PPP1R2: variants seen among roughly 807,000 people sequenced by gnomAD.
PPP1R2 encodes protein phosphatase inhibitor 2.
Under a neutral mutation model 29.9 loss-of-function variants are expected in PPP1R2, and 16 were observed. That is an observed-to-expected ratio of 0.53 (90% confidence interval 0.36 to 0.81). The LOEUF is 0.81. Among genes scored for constraint, PPP1R2 ranks in the 30% least tolerant of loss-of-function variants. PPP1R2 has a pLI of 0.00. For synonymous variants in PPP1R2, 76 were observed against 91.5 expected (o/e 0.83, Z 0.96); for missense variants, 197 against 252.7 (o/e 0.78, Z 1.49).
Position 195,543,247 on chromosome 3 carries a change from A to C in PPP1R2, c.-222T>G. ...GGGTGGCGGCTACTCGCGCACCCTT[A>C]GCCACTGGCACTTGACCCGCGGCTC... On this transcript the variant is annotated 5_prime_UTR_variant, in exon 1 of 6. Coordinates refer to ENST00000618156, the MANE Select transcript of PPP1R2 (RefSeq NM_006241.8). 1 of 511,256 alleles carries C rather than the reference A, an allele frequency of 2.0e-6. No individual in the cohort carries two copies. Among genetic ancestry groups the C allele is most frequent in the South Asian group, 3.0e-5 (1 of 33,416 alleles). 31.7% of individuals were successfully genotyped at this position (511,256 alleles called of 1,614,324 possible).
At chr3:195,531,012 G>A (rs900890173) in intron 1 of PPP1R2, among the ~76,000 whole-genome samples, 39 of 136,660 alleles carry the variant, frequency 2.9e-4, no homozygotes, top group East Asian at 4.5e-4. Context: ...TGGTAGAGAC[G>A]GGGTTTCACC....
chr3:195,519,029 T>C lies in PPP1R2; in HGVS notation c.560A>G (p.Glu187Gly). The stretch of plus-strand genomic sequence containing the variant: ...TCCAAACATCTAACCTTGATTTGAT[T>C]CTTCCGTATTCATGCTTTCTCCATC... ...TADGESMNTE[E>G]SNQGSTPSDQ... Residue 187 changes from glutamate to glycine, a missense_variant, in exon 5 of 6, where the codon GAA becomes GGA. Coordinates refer to ENST00000618156, the MANE Select transcript of PPP1R2 (RefSeq NM_006241.8). 6.2e-7 allele frequency: 1 copy of C among 1,606,502 alleles called. No homozygotes were observed. Among genetic ancestry groups the C allele is most frequent in the Non-Finnish European group, 8.5e-7 (1 of 1,173,536 alleles).
In PPP1R2 at chr3:195,516,527, T is replaced by TAA. The variant is rs1387791755; in HGVS notation, c.*367_*368dup. On this transcript the variant is annotated 3_prime_UTR_variant, in exon 6 of 6. Coordinates refer to ENST00000618156, the MANE Select transcript of PPP1R2 (RefSeq NM_006241.8). ...AAAAAAATCAAATCAATAAACTTTG[T>TAA]AAGAGCTACCACATTTCAAGTGATG... 5.4e-6 allele frequency: 1 copy of TAA among 185,962 alleles called. No homozygotes were observed. 11.5% of individuals were successfully genotyped at this position (185,962 alleles called of 1,614,324 possible). A position where few individuals can be genotyped will look rare whatever the true frequency, so the allele number is the denominator to read the frequency against.
intron 4 of PPP1R2, chr3:195,519,479 G>T: frequency 3.5e-6 from 1 of 282,078 alleles, no homozygotes; most frequent in Non-Finnish European, 6.5e-6. Flanking sequence ...TATCCAGAAA[G>T]AGTTAAATGG....
At chr3:195,517,039 A>C in intron 5 of PPP1R2, 97 bp from the exon 6 acceptor site, 2 of 958,872 alleles carry the variant, frequency 2.1e-6, no homozygotes, top group Non-Finnish European at 3.3e-6. Flanking sequence ...GCAAATATAA[A>C]AATTTTAAAA....
chr3:195,532,137 C>A (rs1386521461), intron 1 of PPP1R2, among the ~76,000 whole-genome samples: 1 of 151,884 alleles, frequency 6.6e-6, no homozygotes. Context: ...CTCAAGTGAT[C>A]CTCCTGCCTC....
At chr3:195,536,776 G>C (rs1442749155) in intron 1 of PPP1R2, among the ~76,000 whole-genome samples, 1 of 109,890 alleles carries the variant, frequency 9.1e-6, no homozygotes, top group African/African-American at 3.7e-5. Flanking sequence ...CGACAAGAGC[G>C]AAACTCCGTC....
chr3:195,522,758 A>T (rs191368385), intron 4 of PPP1R2, among the ~76,000 whole-genome samples: 25 of 152,324 alleles, frequency 1.6e-4, no homozygotes, highest in African/African-American at 6.0e-4. Context: ...GATGATAGGA[A>T]AGACTAGTAA....
intron 1 of PPP1R2, among the ~76,000 whole-genome samples, chr3:195,532,209 CTT>C (rs1204062172): frequency 3.0e-5 from 3 of 98,592 alleles, no homozygotes; most frequent in African/African-American, 1.1e-4. Context: ...TTTTCTTTTT[CTT>C]TTTCTTTTTT....
rs1441660852 is a variant in PPP1R2, at chr3:195,519,147, A to T, written c.442T>A (p.Tyr148Asn). Residue 148 changes from tyrosine to asparagine, a missense_variant, in exon 5 of 6, where the codon TAC becomes AAC. By Grantham distance (143) the Tyr-to-Asn change is moderately radical. Around this residue, in one of 3 missense-constraint regions of PPP1R2, gnomAD observed 135 missense variants for 163.0 expected, o/e 0.83. Transcript: ENST00000618156. Reference protein sequence around the residue: ...RQFEMKRKLHYNEGLNIKLAR... With the variant: ...RQFEMKRKLHNNEGLNIKLAR... ...AGTTTGATATTGAGTCCTTCATTGT[A>T]GTGAAGCTTCCTTTTCATTTCAAAT... 2.4e-5 allele frequency: 38 copies of T among 1,603,150 alleles called. No individual in the cohort carries two copies. The highest frequency in any genetic ancestry group is 3.1e-5 in the Non-Finnish European group (36 of 1,177,502).
rs1222412277 is a variant in PPP1R2, at chr3:195,535,909, T to A, written c.123-6008A>T. 2.0e-5 allele frequency among the ~76,000 whole-genome samples: 3 copies of A among 152,238 alleles called. No individual in the cohort carries two copies. The East Asian group carries it at 5.8e-4, about 29-fold the overall frequency. Reference sequence around the variant, plus strand: ...TAAAGTTACACCAAGTGAGCCTGCCTCTCCTTCTATCGCCTTTATCACCCA... The same window carrying A: ...TAAAGTTACACCAAGTGAGCCTGCCACTCCTTCTATCGCCTTTATCACCCA... On this transcript the variant is annotated intron_variant, in intron 1 of 5. Transcript: ENST00000618156.
At chr3:195,528,531 C>T (rs1193277579) in intron 2 of PPP1R2, among the ~76,000 whole-genome samples, 1 of 151,944 alleles carries the variant, frequency 6.6e-6, no homozygotes, top group Non-Finnish European at 1.5e-5. Context: ...CACCCACTGA[C>T]TTAAAATACA....
intron 1 of PPP1R2, among the ~76,000 whole-genome samples, chr3:195,532,217 T>TTC (rs1553886652): frequency 2.3e-4 from 29 of 125,114 alleles, no homozygotes; most frequent in South Asian, 1.8e-3. Flanking sequence ...TTCTTTTTCT[T>TTC]TTTTTTTTTT....
intron 5 of PPP1R2, among the ~76,000 whole-genome samples, chr3:195,517,577 T>C (rs1174996006): frequency 2.0e-5 from 3 of 152,176 alleles, no homozygotes; most frequent in Non-Finnish European, 4.4e-5. Flanking sequence ...ATTTTAATCC[T>C]CCATTAAACT....
intron 1 of PPP1R2, among the ~76,000 whole-genome samples, chr3:195,539,460 G>A (rs910743945): frequency 1.9e-4 from 29 of 152,168 alleles, no homozygotes; most frequent in African/African-American, 6.8e-4. Flanking sequence ...GCTCTCACCT[G>A]TAATCCCAGC....
At chr3:195,541,775 G>A (rs1719609257) in intron 1 of PPP1R2, among the ~76,000 whole-genome samples, 1 of 152,118 alleles carries the variant, frequency 6.6e-6, no homozygotes. Context: ...ATCCATGAGC[G>A]TGGGAGTTGC....
intron 1 of PPP1R2, among the ~76,000 whole-genome samples, chr3:195,530,180 C>T (rs1336751899): frequency 6.6e-6 from 1 of 152,190 alleles, no homozygotes; most frequent in African/African-American, 2.4e-5. Context: ...CTATGACATG[C>T]TTAGCCTTCA....
At chr3:195,524,704 G>T in intron 3 of PPP1R2, 115 bp downstream of exon 3, 1 of 945,676 alleles carries the variant, frequency 1.1e-6, no homozygotes, top group Non-Finnish European at 1.6e-6. Flanking sequence ...CATAAAACAT[G>T]TTGATCAACA....
chr3:195,522,203 G>A (rs1236298887), intron 4 of PPP1R2, among the ~76,000 whole-genome samples: 2 of 152,044 alleles, frequency 1.3e-5, no homozygotes, highest in Non-Finnish European at 1.5e-5. Flanking sequence ...ATGAGAAAAC[G>A]GAGGCTCGGA....
Sources: gnomAD v4.1 joint callset for allele counts (sites outside exome capture counted in the v4.1 genomes callset) on GRCh38, gnomAD v4.1.1 for gene constraint, gnomAD v4.1.1 regional missense constraint, MANE v1.5 for transcripts, NCBI Gene and HGNC (gene_info 2026-07-23, HGNC 2026-07-21) for gene names.